The following LPIN1 variants were observed in gnomAD, a reference collection of about 807,000 sequenced individuals.
LPIN1 encodes the protein phosphatidate phosphatase LPIN1.
LPIN1 carries 71 observed loss-of-function variants against 107.5 expected under a neutral mutation model. The ratio of observed to expected loss-of-function variants is 0.66; its 90% CI spans 0.55 to 0.80. The LOEUF (loss-of-function observed/expected upper bound fraction) is 0.80. LPIN1 is among the 30% of genes least tolerant of loss of function. The pLI, the probability that LPIN1 is intolerant of heterozygous loss-of-function variation, is 0.00. For missense variants in LPIN1, 1,043 were observed against 1,160.6 expected, an observed-to-expected ratio of 0.90 and a Z score of 1.47; for synonymous variants, 445 against 452.6, an observed-to-expected ratio of 0.98 and a Z score of 0.21.
intron 6 of LPIN1, among the ~76,000 whole-genome samples, chr2:11,778,884 G>C (rs1340323414): frequency 6.6e-6 from 1 of 152,196 alleles, no homozygotes; most frequent in Non-Finnish European, 1.5e-5. Flanking sequence ...GTTACTGAGC[G>C]AGCCTTAACC....
chr2:11,815,374 A>G, intron 18 of LPIN1, 134 bp downstream of exon 18: 1 of 1,145,254 alleles, frequency 8.7e-7, no homozygotes, highest in Non-Finnish European at 1.3e-6. Context: ...CAGGCACCAG[A>G]AAAATCATTC....
chr2:11,683,877 C>T (rs1661861737), intron 1 of LPIN1, among the ~76,000 whole-genome samples: 1 of 152,204 alleles, frequency 6.6e-6, no homozygotes, highest in South Asian at 2.1e-4. Flanking sequence ...TGTGACCTTG[C>T]CCAAGTTGCC....
chr2:11,695,294 GC>G (rs1346708330), intron 1 of LPIN1, among the ~76,000 whole-genome samples: 16 of 152,334 alleles, frequency 1.1e-4, no homozygotes, highest in Middle Eastern at 3.4e-3. Context: ...AAAAAATGAA[GC>G]AAGGTACAAG....
chr2:11,794,363 C>T (rs1676300680), intron 13 of LPIN1, among the ~76,000 whole-genome samples: 1 of 152,060 alleles, frequency 6.6e-6, no homozygotes, highest in South Asian at 2.1e-4. Flanking sequence ...TTAAATGTTT[C>T]TTTAAAAATC....
Position 11,782,277 on chromosome 2 carries a change from C to T in LPIN1, c.1034C>T (p.Ala345Val). The T allele has an allele frequency of 6.2e-7, 1 of 1,614,166 alleles. No homozygotes were observed. Among genetic ancestry groups the T allele is most frequent in the Non-Finnish European group, 8.5e-7 (1 of 1,180,010 alleles). ...ATTTGTGATAAAAGTCACTTTCAGG[C>T]CATTCACAGCGAATCTTCAGACACT... is the stretch of plus-strand genomic sequence containing the variant. ...RKICDKSHFQ[A>V]IHSESSDTFS... The change falls in exon 8 of 21, where the codon GCC (alanine) becomes GTC (valine). Residue 345 changes from alanine to valine, a missense_variant. Coordinates refer to ENST00000674199, the MANE Select transcript of LPIN1 (RefSeq NM_001349206.2).
chr2:11,769,410 G>T (rs559718651), intron 3 of LPIN1, among the ~76,000 whole-genome samples: 1 of 152,218 alleles, frequency 6.6e-6, no homozygotes, highest in Admixed American at 6.5e-5. Context: ...GTGTGTGTGT[G>T]TATGTGTGTG....
intron 12 of LPIN1, among the ~76,000 whole-genome samples, chr2:11,790,895 T>A (rs1675606272): frequency 6.6e-6 from 1 of 152,230 alleles, no homozygotes; most frequent in African/African-American, 2.4e-5. Flanking sequence ...TATTTTTGTT[T>A]GTTTTTCAAA....
intron 14 of LPIN1, among the ~76,000 whole-genome samples, chr2:11,797,958 G>T (rs1264845045): frequency 6.6e-6 from 1 of 152,132 alleles, no homozygotes; most frequent in Non-Finnish European, 1.5e-5. Context: ...AGGTGTCAAG[G>T]GTGGGACCAG....
chr2:11,707,808 G>A lies in LPIN1; in HGVS notation c.82-5948G>A, dbSNP rs1231064774. Among the ~76,000 whole-genome samples the A allele has an allele frequency of 6.6e-6, 1 of 152,158 alleles. No individual in the cohort carries two copies. Among genetic ancestry groups the A allele is most frequent in the Non-Finnish European group, 1.5e-5 (1 of 68,022 alleles). ...CAGGTGCTCACCTGCCTGCTGGGAT[G>A]GACCTTACCATTGAGCCAGGCATGA... On this transcript the variant is annotated intron_variant, in intron 1 of 21. Transcript: ENST00000449576. This position sits in a 1 kb window ranked among gnomAD's most constrained non-coding sequence, Gnocchi z 4.2.
intron 1 of LPIN1, among the ~76,000 whole-genome samples, chr2:11,740,723 AAAG>A (rs1245463169): frequency 9.3e-6 from 1 of 107,406 alleles, no homozygotes; most frequent in Non-Finnish European, 1.8e-5. Context: ...AAAGAAAAGA[AAAG>A]AAAGAAAGAA....
chr2:11,741,193 G>A (rs1666327821), intron 1 of LPIN1: 1 of 563,134 alleles, frequency 1.8e-6, no homozygotes, highest in South Asian at 2.3e-5. Flanking sequence ...CATCCCCATA[G>A]AGGGACTGAC....
chr2:11,815,696 G>A (rs1470311401), intron 18 of LPIN1, among the ~76,000 whole-genome samples: 1 of 151,932 alleles, frequency 6.6e-6, no homozygotes, highest in African/African-American at 2.4e-5. Flanking sequence ...GCCTGTCTGC[G>A]AACCACCATC....
intron 1 of LPIN1, among the ~76,000 whole-genome samples, chr2:11,733,167 G>A (rs1439780174): frequency 2.6e-5 from 4 of 152,068 alleles, no homozygotes; most frequent in Non-Finnish European, 4.4e-5. Flanking sequence ...ATTTGAATAT[G>A]TGTCCTATGG....
intron 1 of LPIN1, among the ~76,000 whole-genome samples, chr2:11,728,124 A>C (rs1664842527): frequency 6.6e-6 from 1 of 152,128 alleles, no homozygotes; most frequent in Admixed American, 6.5e-5. Flanking sequence ...TGCCATCTTT[A>C]CTACCACATC....
chr2:11,716,399 GCTCTCC>G (rs911997075), intron 2 of LPIN1, among the ~76,000 whole-genome samples: 22 of 152,016 alleles, frequency 1.4e-4, no homozygotes, highest in African/African-American at 5.3e-4. Flanking sequence ...CTCTCCTCCT[GCTCTCC>G]CTCTCCCTCT....
rs539953584 is a variant in LPIN1, at chr2:11,752,143, C to T, written c.-10+5472C>T. 4.6e-5 allele frequency among the ~76,000 whole-genome samples: 7 copies of T among 152,294 alleles called. 1 individual carries two copies. The highest frequency in any genetic ancestry group is 1.9e-4 in the East Asian group (1 of 5,188). On this transcript the variant is annotated intron_variant, in intron 1 of 20. Transcript: ENST00000674199. ...CTGTATTTGTACAATCAGTTCCCAGCGGTATAGTTGCTAGGGTTTGCCAAT... is the reference window on the plus strand; with the variant it reads ...CTGTATTTGTACAATCAGTTCCCAGTGGTATAGTTGCTAGGGTTTGCCAAT...
At chr2:11,699,211 C>T (rs921093430) in intron 1 of LPIN1, among the ~76,000 whole-genome samples, 7 of 152,206 alleles carry the variant, frequency 4.6e-5, no homozygotes, top group Admixed American at 1.3e-4. Context: ...TGCTATAAAT[C>T]AGTAACGGGT....
At chr2:11,717,673 T>C (rs1243997887) in intron 2 of LPIN1, among the ~76,000 whole-genome samples, 1 of 152,160 alleles carries the variant, frequency 6.6e-6, no homozygotes, top group Non-Finnish European at 1.5e-5. Flanking sequence ...TAGCAAATCT[T>C]ATATACCACA....
At chr2:11,729,275 T>TGCA (rs1664963168) in intron 1 of LPIN1, among the ~76,000 whole-genome samples, 1 of 152,206 alleles carries the variant, frequency 6.6e-6, no homozygotes, top group African/African-American at 2.4e-5. Context: ...GTAACAAACC[T>TGCA]GCACGTTCTG....
Sources: gnomAD v4.1 joint callset for allele counts (sites outside exome capture counted in the v4.1 genomes callset) on GRCh38, gnomAD v4.1.1 for gene constraint, Gnocchi (gnomAD v3.1) non-coding constraint, MANE v1.5 for transcripts, NCBI Gene and HGNC (gene_info 2026-07-23, HGNC 2026-07-21) for gene names.